SNAP91: variants seen among roughly 807,000 people sequenced by gnomAD.
The protein encoded by SNAP91 is synaptosome associated protein 91, also known as clathrin coat assembly protein AP180.
Under a neutral mutation model 100.3 loss-of-function variants are expected in SNAP91, and 27 were observed. The observed-to-expected ratio is 0.27, with a 90% CI of 0.20 to 0.37. SNAP91 has a LOEUF of 0.37. SNAP91 is among the 10% of genes least tolerant of loss of function. The pLI is 1.00. For missense variants in SNAP91, 986 were observed against 1,123.7 expected (o/e 0.88, Z 1.75); for synonymous variants, 404 against 398.6 (o/e 1.01, Z -0.16).
chr6:83,619,378 T>C (rs1179702016), intron 9 of SNAP91, among the ~76,000 whole-genome samples: 1 of 152,218 alleles, frequency 6.6e-6, no homozygotes, highest in East Asian at 1.9e-4. Context: ...TCTATGGCAG[T>C]GAGGACATCC....
At chr6:83,675,889 G>T (rs1355944959) in intron 2 of SNAP91, among the ~76,000 whole-genome samples, 2 of 113,936 alleles carry the variant, frequency 1.8e-5, no homozygotes, top group African/African-American at 7.1e-5. Context: ...CCCTTTGGCT[G>T]CCAATGTCAA....
chr6:83,607,664 T>G, intron 13 of SNAP91, 35 bp downstream of exon 13: 1 of 1,304,762 alleles, frequency 7.7e-7, no homozygotes, highest in Non-Finnish European at 1.1e-6. Context: ...TAATAAAATA[T>G]TAATAAACAG....
At chr6:83,558,385 TC>T (rs1781998227) in intron 28 of SNAP91, among the ~76,000 whole-genome samples, 1 of 152,214 alleles carries the variant, frequency 6.6e-6, no homozygotes, top group African/African-American at 2.4e-5. Context: ...TTCCTGACTG[TC>T]CCCAAAAACA....
At chr6:83,597,162 G>A (rs934954566) in intron 16 of SNAP91, among the ~76,000 whole-genome samples, 8 of 152,034 alleles carry the variant, frequency 5.3e-5, no homozygotes, top group Non-Finnish European at 1.0e-4. Context: ...CTTAAAGGTA[G>A]GAGCTGCAGC....
intron 2 of SNAP91, among the ~76,000 whole-genome samples, chr6:83,669,630 C>G (rs1025378096): frequency 3.3e-5 from 5 of 151,958 alleles, no homozygotes; most frequent in South Asian, 2.1e-4. Flanking sequence ...TCCCCATACC[C>G]TTTAAAAATT....
At chr6:83,643,210 A>T (rs951761579) in intron 7 of SNAP91, among the ~76,000 whole-genome samples, 1 of 152,002 alleles carries the variant, frequency 6.6e-6, no homozygotes, top group Non-Finnish European at 1.5e-5. Flanking sequence ...CCCATTTGTC[A>T]ATTTTGGCTT....
chr6:83,695,449 C>CT (rs1451845529), intron 2 of SNAP91, among the ~76,000 whole-genome samples: 5 of 152,056 alleles, frequency 3.3e-5, no homozygotes, highest in African/African-American at 1.2e-4. Context: ...TTTGAATACA[C>CT]TATCATTTTA....
chr6:83,645,503 T>C (rs1047141873), intron 7 of SNAP91, among the ~76,000 whole-genome samples: 1 of 152,148 alleles, frequency 6.6e-6, no homozygotes, highest in Non-Finnish European at 1.5e-5. Flanking sequence ...TGGACAAATG[T>C]ATAATGACAT....
chr6:83,607,906 AT>A lies in SNAP91; in HGVS notation c.913-99del, dbSNP rs370803749. ...TTGTATAACCATGACATGCCCAGCA[AT>A]TTTTTTTTTGTAATTCTTTGTGGAG... On this transcript the variant is annotated intron_variant, in intron 12 of 29. Transcript: ENST00000369694. The A allele has an allele frequency of 3.7e-3, 1,668 of 454,414 alleles. 1 individual carries two copies. The highest frequency in any genetic ancestry group is 5.2e-3 in the South Asian group (69 of 13,176). The allele number at this position is 454,414 out of a possible 1,614,324, so 28.1% of individuals were successfully genotyped here.
Position 83,623,330 on chromosome 6 carries a change from C to A in SNAP91, c.778G>T (p.Asp260Tyr). ...FLKVAEQVGI[D>Y]KGDIPDLTQA... ...GTGAGGTCAGGAATGTCACCTTTATCAATACCAACTTGCTGTGGATTTAAA... is the reference window on the plus strand; with the variant it reads ...GTGAGGTCAGGAATGTCACCTTTATAAATACCAACTTGCTGTGGATTTAAA... The change falls in exon 9 of 30, where the codon GAT becomes TAT. Residue 260 changes from aspartate to tyrosine, a missense_variant. Asp to Tyr is a radical substitution (Grantham distance 160). This residue lies in a region of SNAP91 where 330 missense variants were observed against 447.5 expected (regional missense o/e 0.74). Transcript: ENST00000369694. 1 of 1,607,322 alleles carries A rather than the reference C, an allele frequency of 6.2e-7. No individual in the cohort carries two copies. Among genetic ancestry groups the A allele is most frequent in the Non-Finnish European group, 8.5e-7 (1 of 1,175,978 alleles).
intron 29 of SNAP91, among the ~76,000 whole-genome samples, chr6:83,555,218 T>C (rs1162382299): frequency 8.0e-6 from 1 of 125,340 alleles, no homozygotes; most frequent in African/African-American, 2.5e-5. Flanking sequence ...ATTAATCTTG[T>C]ATAAGAAAAA....
At chr6:83,589,643 T>C (rs3757007) in intron 22 of SNAP91, among the ~76,000 whole-genome samples, 26,648 of 152,050 alleles carry the variant, frequency 0.18, 2,994 homozygotes, top group South Asian at 0.27. Context: ...TTGATCATAG[T>C]AGTCAGGAAA....
At chr6:83,612,657 C>A (rs2096212611) in intron 11 of SNAP91, among the ~76,000 whole-genome samples, 1 of 152,102 alleles carries the variant, frequency 6.6e-6, no homozygotes, top group Non-Finnish European at 1.5e-5. Context: ...AGGCAGATCA[C>A]TTGAGGTCAG....
chr6:83,605,859 G>A, intron 13 of SNAP91, 56 bp from the exon 14 acceptor site: 3 of 1,358,894 alleles, frequency 2.2e-6, no homozygotes, highest in Non-Finnish European at 2.0e-6. Flanking sequence ...ACATAAAGGT[G>A]TTTTTGAATA....
At chr6:83,580,872 G>A (rs1827325750) in intron 23 of SNAP91, among the ~76,000 whole-genome samples, 1 of 152,178 alleles carries the variant, frequency 6.6e-6, no homozygotes, top group African/African-American at 2.4e-5. Flanking sequence ...CAATTCAGCT[G>A]CATGACTCAC....
intron 15 of SNAP91, 59 bp from the exon 16 acceptor site, chr6:83,601,497 A>G (rs941567410): frequency 6.2e-7 from 1 of 1,611,466 alleles, no homozygotes; most frequent in East Asian, 2.2e-5. Flanking sequence ...GACAAAAGAT[A>G]TACCAGACTC....
At position 83,661,604 on chromosome 6, in the gene SNAP91, C is replaced by A; in HGVS notation, c.350G>T (p.Gly117Val). The change falls in exon 5 of 30, where the codon GGT becomes GTT. Residue 117 changes from glycine (G) to valine (V), a missense_variant and splice_region_variant. Gly to Val is a moderately radical substitution (Grantham distance 109, BLOSUM62 -3). Coordinates refer to ENST00000369694, the MANE Select transcript of SNAP91 (RefSeq NM_001242792.2). ...SNFLDKSGSH[G>V]YDMSTFIRRY... Reference sequence around the variant, plus strand: ...CCTTATGAAGGTAGACATATCATAACCTGGGAGAGTGGAAAGAAGAAATAA... The same window carrying A: ...CCTTATGAAGGTAGACATATCATAAACTGGGAGAGTGGAAAGAAGAAATAA... The A allele has an allele frequency of 6.5e-7, 1 of 1,535,188 alleles. No homozygotes were observed. The highest frequency in any genetic ancestry group is 8.9e-7 in the Non-Finnish European group (1 of 1,124,552).
intron 8 of SNAP91, among the ~76,000 whole-genome samples, chr6:83,629,083 G>A (rs2097098332): frequency 6.6e-6 from 1 of 152,088 alleles, no homozygotes; most frequent in Admixed American, 6.6e-5. Context: ...CCTACATGTA[G>A]CTAGTCAATT....
At chr6:83,664,171 G>A (rs2098628322) in intron 3 of SNAP91, among the ~76,000 whole-genome samples, 1 of 152,136 alleles carries the variant, frequency 6.6e-6, no homozygotes, top group South Asian at 2.1e-4. Flanking sequence ...CTCTGATGGA[G>A]ATGCACAAAG....
Sources: allele counts gnomAD v4.1 joint callset (sites outside exome capture counted in the v4.1 genomes callset), GRCh38; gene constraint gnomAD v4.1.1; regional missense constraint gnomAD v4.1.1; transcripts MANE v1.5; gene names NCBI Gene and HGNC (gene_info 2026-07-23, HGNC 2026-07-21).